The following MUSK variants were observed in gnomAD, a reference collection of about 807,000 sequenced individuals.
The protein encoded by MUSK is muscle, skeletal receptor tyrosine-protein kinase.
In MUSK, 55 loss-of-function variants were observed where a neutral mutation model predicts 88.7. The observed-to-expected ratio is 0.62, with a 90% CI of 0.50 to 0.78. The LOEUF is 0.78. Ranked by LOEUF, MUSK falls within the 30% of genes least tolerant of loss-of-function variation. The pLI is 0.00. For missense variants in MUSK, 1,015 were observed against 1,074.3 expected (o/e 0.94, Z 0.77); for synonymous variants, 387 against 391.9 (o/e 0.99, Z 0.15).
chr9:110,709,511 G>T (rs1400513925), intron 5 of MUSK, among the ~76,000 whole-genome samples: 1 of 152,112 alleles, frequency 6.6e-6, no homozygotes, highest in Non-Finnish European at 1.5e-5. Flanking sequence ...TTCATAAATT[G>T]AAGAATGTAG....
chr9:110,696,277 CAAA>C (rs56335634), intron 4 of MUSK, among the ~76,000 whole-genome samples: 1 of 140,048 alleles, frequency 7.1e-6, no homozygotes. Context: ...GACTCCATCT[CAAA>C]AAAAAAAAAA....
At chr9:110,770,338 T>G (rs2077551989) in intron 9 of MUSK, among the ~76,000 whole-genome samples, 1 of 139,752 alleles carries the variant, frequency 7.2e-6, no homozygotes, top group South Asian at 2.2e-4. Flanking sequence ...TAATTAATAA[T>G]TATTATATTA....
rs761203159 is a variant in MUSK at position 110,784,814 on chromosome 9, G to A, written c.1385-1G>A. ...ATGAAATAATTATTCTTTACTTACA[G>A]CATTCCCACCAATGACGTCCTCAAA... On this transcript the variant is annotated splice_acceptor_variant, in intron 11 of 14. Coordinates refer to ENST00000374448, the MANE Select transcript of MUSK (RefSeq NM_005592.4). LOFTEE classifies it high-confidence loss of function. The A allele has an allele frequency of 6.2e-7, 1 of 1,603,552 alleles. No individual in the cohort carries two copies. Among genetic ancestry groups the A allele is most frequent in the Non-Finnish European group, 8.5e-7 (1 of 1,174,372 alleles).
chr9:110,787,279 G>A (rs2077885871), intron 13 of MUSK, among the ~76,000 whole-genome samples: 1 of 149,130 alleles, frequency 6.7e-6, no homozygotes, highest in Non-Finnish European at 1.5e-5. Context: ...GGAGAATGGT[G>A]TGAACCCAGT....
At chr9:110,746,303 C>G (rs2077173981) in intron 6 of MUSK, among the ~76,000 whole-genome samples, 1 of 152,028 alleles carries the variant, frequency 6.6e-6, no homozygotes, top group Non-Finnish European at 1.5e-5. Flanking sequence ...AAAAAAGAAC[C>G]ACCATTTAAA....
At chr9:110,760,299 T>C (rs1444270446) in intron 7 of MUSK, among the ~76,000 whole-genome samples, 1 of 152,194 alleles carries the variant, frequency 6.6e-6, no homozygotes, top group Non-Finnish European at 1.5e-5. Flanking sequence ...AGCCAAGATG[T>C]GGAATCAACC....
intron 3 of MUSK, among the ~76,000 whole-genome samples, chr9:110,690,851 TATAAATATATATATTTAA>T (rs1316746742): frequency 3.7e-5 from 5 of 134,852 alleles, no homozygotes; most frequent in Admixed American, 3.4e-4. Flanking sequence ...TAAGTATATA[TATAAATATATATATTTAA>T]ATAAATATAT....
At chr9:110,682,837 T>C (rs747121702) in intron 2 of MUSK, 37 bp downstream of exon 2, 107 of 1,517,294 alleles carry the variant, frequency 7.1e-5, no homozygotes, top group Non-Finnish European at 9.5e-5. Context: ...TAAATTTTTG[T>C]GGGTATATAG....
intron 3 of MUSK, among the ~76,000 whole-genome samples, chr9:110,689,085 T>A (rs557320318): frequency 6.4e-4 from 89 of 138,480 alleles, no homozygotes; most frequent in Non-Finnish European, 1.2e-3. Flanking sequence ...TATAGTTATA[T>A]ATTTACATTT....
chr9:110,767,417 G>A (rs1588013906), intron 8 of MUSK, among the ~76,000 whole-genome samples: 1 of 152,304 alleles, frequency 6.6e-6, no homozygotes, highest in Non-Finnish European at 1.5e-5. Context: ...CTTTTTAGGT[G>A]AGAGCAATTA....
chr9:110,755,759 C>T (rs2077302497), intron 7 of MUSK, among the ~76,000 whole-genome samples: 1 of 151,692 alleles, frequency 6.6e-6, no homozygotes, highest in Non-Finnish European at 1.5e-5. Context: ...TGTTCCTCTT[C>T]ATCTCTGGCA....
At chr9:110,690,068 A>C (rs1182113619) in intron 3 of MUSK, among the ~76,000 whole-genome samples, 1 of 96,080 alleles carries the variant, frequency 1.0e-5, no homozygotes, top group Non-Finnish European at 1.8e-5. Context: ...TATATTATGT[A>C]AGTATAAATA....
intron 1 of MUSK, among the ~76,000 whole-genome samples, chr9:110,675,836 C>A (rs1342540397): frequency 6.6e-6 from 1 of 152,058 alleles, no homozygotes; most frequent in East Asian, 1.9e-4. Context: ...GCTCGGATTA[C>A]AGGCGTGAGC....
rs928296304 is a variant in MUSK, at chr9:110,801,128, G to C, written c.*140G>C. The C allele has an allele frequency of 5.4e-6, 4 of 744,358 alleles. No homozygotes were observed. Among genetic ancestry groups the C allele is most frequent in the African/African-American group, 5.3e-5 (3 of 57,084 alleles). The allele number at this position is 744,358 out of a possible 1,614,324, so 46.1% of individuals were successfully genotyped here. ...AGTAGTGTGTTGTTTGCTTCCCAGG[G>C]AGAGCAAAGACAGTGCAAAACCCAT... is the stretch of plus-strand genomic sequence containing the variant. On this transcript the variant is annotated 3_prime_UTR_variant, in exon 15 of 15. Coordinates refer to ENST00000374448, the MANE Select transcript of MUSK (RefSeq NM_005592.4).
chr9:110,784,761 A>C (rs1468033236), intron 11 of MUSK, 54 bp from the exon 12 acceptor site: 3 of 1,415,234 alleles, frequency 2.1e-6, no homozygotes, highest in Non-Finnish European at 2.9e-6. Flanking sequence ...TAAATACAAA[A>C]AATTGCTTCT....
chr9:110,753,077 A>T (rs1044656772), intron 7 of MUSK, among the ~76,000 whole-genome samples: 4 of 152,184 alleles, frequency 2.6e-5, no homozygotes, highest in African/African-American at 9.7e-5. Flanking sequence ...CTATGATACC[A>T]ATAGTGAGCA....
At chr9:110,777,326 C>T (rs2077686577) in intron 11 of MUSK, among the ~76,000 whole-genome samples, 1 of 152,094 alleles carries the variant, frequency 6.6e-6, no homozygotes, top group South Asian at 2.1e-4. Context: ...CGTTCTAAGG[C>T]TTAAATCACA....
At chr9:110,740,350 C>T (rs1389779966) in intron 6 of MUSK, among the ~76,000 whole-genome samples, 1 of 152,142 alleles carries the variant, frequency 6.6e-6, no homozygotes, top group African/African-American at 2.4e-5. Flanking sequence ...CTCTTCCTGG[C>T]TTGCAGATGG....
At chr9:110,741,452 A>G (rs2077097272) in intron 6 of MUSK, among the ~76,000 whole-genome samples, 1 of 152,114 alleles carries the variant, frequency 6.6e-6, no homozygotes, top group Admixed American at 6.6e-5. Flanking sequence ...TAAGATAAGA[A>G]AGGGAAGAAG....
Sources: allele counts gnomAD v4.1 joint callset (sites outside exome capture counted in the v4.1 genomes callset), GRCh38; gene constraint gnomAD v4.1.1; transcripts MANE v1.5; gene names NCBI Gene and HGNC (gene_info 2026-07-23, HGNC 2026-07-21).